MYH13: variants seen among roughly 807,000 people sequenced by gnomAD.
The protein encoded by MYH13 is myosin-13.
Under a neutral mutation model 232.1 loss-of-function variants are expected in MYH13, and 177 were observed. The ratio of observed to expected loss-of-function variants is 0.76; its 90% confidence interval spans 0.67 to 0.86. The LOEUF is 0.86. Among genes scored for constraint, MYH13 ranks in the 40% least tolerant of loss-of-function variants. MYH13 has a pLI of 0.00. For synonymous variants in MYH13, 884 were observed against 923.5 expected, an observed-to-expected ratio of 0.96 and a Z score of 0.78; for missense variants, 2,246 against 2,405.9, an observed-to-expected ratio of 0.93 and a Z score of 1.39.
At chr17:10,359,617 G>A (rs1159593441) in intron 7 of MYH13, among the ~76,000 whole-genome samples, 1 of 152,168 alleles carries the variant, frequency 6.6e-6, no homozygotes, top group African/African-American at 2.4e-5. Flanking sequence ...AGAAGTTCAG[G>A]AGGCCCGGAC....
chr17:10,362,349 C>T lies in MYH13; in HGVS notation c.348+11G>A. 1 of 1,614,122 alleles carries T rather than the reference C, an allele frequency of 6.2e-7. No homozygotes were observed. The highest frequency in any genetic ancestry group is 1.1e-5 in the South Asian group (1 of 91,068). On this transcript the variant is annotated intron_variant, in intron 4 of 40. Transcript: ENST00000252172. ...GAGACATGAAATAAAAAGGTGTTTA[C>T]AGACACTCACGTAGATCATCCAGGC...
chr17:10,303,286 C>G lies in MYH13; in HGVS notation c.5577G>C (p.Glu1859Asp), dbSNP rs372224078. Residue 1859 changes from glutamate (E) to aspartate (D), a missense_variant, in exon 39 of 41, where the codon GAG becomes GAC. Glu to Asp is a conservative substitution (Grantham distance 45). Transcript: ENST00000252172. Reference protein sequence around the residue: ...RKVKEMTYQAEEDHKNILRLQ... With the variant: ...RKVKEMTYQADEDHKNILRLQ... The stretch of plus-strand genomic sequence containing the variant: ...GCCTAAGGATATTCTTGTGGTCCTC[C>G]TCAGCCTGCAAACAGAGTACACGTG... The G allele has an allele frequency of 8.7e-5, 141 of 1,614,088 alleles. No individual in the cohort carries two copies. The Middle Eastern group carries it at 2.3e-3, about 26-fold the overall frequency.
chr17:10,346,205 A>G (rs2071665567), intron 13 of MYH13, among the ~76,000 whole-genome samples: 1 of 152,016 alleles, frequency 6.6e-6, no homozygotes, highest in Non-Finnish European at 1.5e-5. Context: ...GCCACACTTA[A>G]TTAGACCAGA....
rs1555548797 is a variant in MYH13, at chr17:10,312,636, C to A, written c.4303G>T (p.Asp1435Tyr). The change falls in exon 31 of 41, where the codon GAT becomes TAT. Residue 1435 changes from aspartate to tyrosine, a missense_variant. Coordinates refer to ENST00000252172, the MANE Select transcript of MYH13 (RefSeq NM_003802.3). ...LQGEVEDLMRDLERSHTACAT... is the reference protein window; with the variant it reads ...LQGEVEDLMRYLERSHTACAT... ...CAGGCGGTGTGGGAGCGCTCCAGAT[C>A]CCGCATCAGATCCTCCACCTCTCCC... 6.2e-7 allele frequency: 1 copy of A among 1,613,392 alleles called. No homozygotes were observed. The highest frequency in any genetic ancestry group is 8.5e-7 in the Non-Finnish European group (1 of 1,179,712).
Position 10,312,621 on chromosome 17 carries a change from G to C in MYH13, c.4318C>G (p.His1440Asp). ...TTGTCCAGTGTGGCACAGGCGGTGT[G>C]GGAGCGCTCCAGATCCCGCATCAGA... ...EDLMRDLERS[H>D]TACATLDKKQ... The change falls in exon 31 of 41, where the codon CAC becomes GAC. Residue 1440 changes from histidine to aspartate, a missense_variant. Physicochemically the swap from His to Asp is moderately conservative, Grantham distance 81. Transcript: ENST00000252172. 1.9e-6 allele frequency: 3 copies of C among 1,613,412 alleles called. No homozygotes were observed. Among genetic ancestry groups the C allele is most frequent in the East Asian group, 2.2e-5 (1 of 44,856 alleles).
intron 20 of MYH13, 102 bp downstream of exon 20, chr17:10,331,997 T>C: frequency 6.8e-7 from 1 of 1,473,908 alleles, no homozygotes; most frequent in Non-Finnish European, 9.3e-7. Context: ...GCAAGGACGG[T>C]CAGGTGGACC....
chr17:10,321,540 T>C lies in MYH13; in HGVS notation c.3103A>G (p.Thr1035Ala), dbSNP rs1383683190. ...IKINAKLEQQ[T>A]DDLEGSLEQE... ...TAGTAAAATATCCTCACATCATCTG[T>C]TTGCTGTTCAAGCTTGGCATTTATT... Residue 1035 changes from threonine to alanine, a missense_variant, in exon 24 of 41, where the codon ACA becomes GCA. By Grantham distance (58) the Thr-to-Ala change is moderately conservative. Coordinates refer to ENST00000252172, the MANE Select transcript of MYH13 (RefSeq NM_003802.3). 5.6e-6 allele frequency: 9 copies of C among 1,611,370 alleles called. No homozygotes were observed. The highest frequency in any genetic ancestry group is 7.6e-6 in the Non-Finnish European group (9 of 1,179,162).
Position 10,307,051 on chromosome 17 carries a change from A to G in MYH13, c.5183T>C (p.Ile1728Thr), listed in dbSNP as rs1296582763. The change falls in exon 36 of 41, where the codon ATA becomes ACA. Residue 1728 changes from isoleucine to threonine, a missense_variant. By Grantham distance (89) the Ile-to-Thr change is moderately conservative. Coordinates refer to ENST00000252172, the MANE Select transcript of MYH13 (RefSeq NM_003802.3). ...QLLHSQNTSL[I>T]NTKKKLEADI... Reference sequence around the variant, plus strand: ...AGCCTCCAGTTTTTTCTTGGTATTTATCAGGCTTGTGTTCTACAAGAAGAA... The same window carrying G: ...AGCCTCCAGTTTTTTCTTGGTATTTGTCAGGCTTGTGTTCTACAAGAAGAA... 6.2e-7 allele frequency: 1 copy of G among 1,613,892 alleles called. No homozygotes were observed. The highest frequency in any genetic ancestry group is 1.1e-5 in the South Asian group (1 of 91,078).
intron 18 of MYH13, among the ~76,000 whole-genome samples, chr17:10,339,086 C>A (rs1157652097): frequency 6.6e-6 from 1 of 151,912 alleles, no homozygotes; most frequent in Non-Finnish European, 1.5e-5. Flanking sequence ...TGAACTTTTC[C>A]CCCCCAACCC....
chr17:10,360,034 G>A lies in MYH13; in HGVS notation c.571C>T (p.Arg191Cys), dbSNP rs369304707. The change falls in exon 7 of 41, where the codon CGT (arginine) becomes TGT (cysteine). Residue 191 changes from arginine to cysteine, a missense_variant. Physicochemically the swap from Arg to Cys is radical, Grantham distance 180. Transcript: ENST00000252172. ...SGAGKTVNTK[R>C]VIQYFATIAV... ...ATTGTTGCAAAATACTGGATGACAC[G>A]CTTGGTGTTCACAGTCTTCCCAGCC... 2.5e-5 allele frequency: 40 copies of A among 1,614,050 alleles called. No homozygotes were observed. Among genetic ancestry groups the A allele is most frequent in the South Asian group, 2.4e-4 (22 of 91,058 alleles).
chr17:10,351,629 G>T (rs1182135268), intron 11 of MYH13, among the ~76,000 whole-genome samples: 1 of 152,148 alleles, frequency 6.6e-6, no homozygotes, highest in Non-Finnish European at 1.5e-5. Context: ...AGAATTGAGG[G>T]TCTAGTTGGT....
Position 10,346,791 on chromosome 17 carries a change from G to T in MYH13, c.1152C>A (p.Asp384Glu). 6.2e-7 allele frequency: 1 copy of T among 1,613,290 alleles called. No homozygotes were observed. The highest frequency in any genetic ancestry group is 8.5e-7 in the Non-Finnish European group (1 of 1,179,454). ...QAEPDGTEVA[D>E]KAGYLMGLNS... ...TCAGTCCCATCAGGTATCCGGCTTT[G>T]TCAGCCACTGAAGGAAGAGAAAAAA... is the stretch of plus-strand genomic sequence containing the variant. Residue 384 changes from aspartate (D) to glutamate (E), a missense_variant, in exon 13 of 41, where the codon GAC (aspartate) becomes GAA (glutamate). Physicochemically the swap from Asp to Glu is conservative, Grantham distance 45. Coordinates refer to ENST00000252172, the MANE Select transcript of MYH13 (RefSeq NM_003802.3).
intron 18 of MYH13, among the ~76,000 whole-genome samples, chr17:10,335,094 T>G (rs1017557936): frequency 6.6e-6 from 1 of 152,124 alleles, no homozygotes; most frequent in African/African-American, 2.4e-5. Context: ...ATAATGTAGG[T>G]TGAGCATCCC....
Position 10,343,962 on chromosome 17 carries a change from G to A in MYH13, c.1732C>T (p.His578Tyr). Residue 578 changes from histidine to tyrosine, a missense_variant, in exon 16 of 41, where the codon CAC (histidine) becomes TAC (tyrosine). His to Tyr is a moderately conservative substitution (Grantham distance 83). Coordinates refer to ENST00000252172, the MANE Select transcript of MYH13 (RefSeq NM_003802.3). ...CCGGCATAGTGCACCAGCGAGAAGT[G>A]AGCCTCAGCCTTGCCTTTGGCAGGC... is the stretch of plus-strand genomic sequence containing the variant. The part of the protein sequence containing the change: ...PKPAKGKAEA[H>Y]FSLVHYAGTV... The A allele has an allele frequency of 6.2e-7, 1 of 1,614,240 alleles. No homozygotes were observed. The highest frequency in any genetic ancestry group is 8.5e-7 in the Non-Finnish European group (1 of 1,180,042).
chr17:10,335,390 G>C (rs1185615921), intron 18 of MYH13, among the ~76,000 whole-genome samples: 1 of 152,154 alleles, frequency 6.6e-6, no homozygotes, highest in East Asian at 1.9e-4. Context: ...GTGGTCCCAA[G>C]CATTTCAGAT....
chr17:10,353,812 G>C (rs892267105), intron 11 of MYH13, among the ~76,000 whole-genome samples: 2 of 152,124 alleles, frequency 1.3e-5, no homozygotes, highest in Admixed American at 6.5e-5. Flanking sequence ...GGCGGAGGTT[G>C]CCGTGAGCTG....
At chr17:10,327,169 T>C in intron 22 of MYH13, among the ~76,000 whole-genome samples, 1 of 139,262 alleles carries the variant, frequency 7.2e-6, no homozygotes, top group East Asian at 2.2e-4. Context: ...GCCCGGCTAA[T>C]TTTTTGTATT....
chr17:10,360,796 A>G (rs1311598724), intron 5 of MYH13, among the ~76,000 whole-genome samples: 2 of 152,178 alleles, frequency 1.3e-5, no homozygotes, highest in African/African-American at 4.8e-5. Flanking sequence ...CAAGCCCCTG[A>G]TCTAATATGA....
At chr17:10,343,680 A>G in intron 16 of MYH13, 120 bp downstream of exon 16, 1 of 1,170,066 alleles carries the variant, frequency 8.5e-7, no homozygotes, top group Non-Finnish European at 1.2e-6. Flanking sequence ...ATGGAGCTGA[A>G]AGAGAAACAT....
Sources: gnomAD v4.1 joint callset for allele counts (sites outside exome capture counted in the v4.1 genomes callset) on GRCh38, gnomAD v4.1.1 for gene constraint, MANE v1.5 for transcripts, NCBI Gene and HGNC (gene_info 2026-07-23, HGNC 2026-07-21) for gene names.